The following FHIT variants were observed in gnomAD, a reference collection of about 807,000 sequenced individuals.
FHIT encodes fragile histidine triad diadenosine triphosphatase.
In FHIT, 19 loss-of-function variants were observed where a neutral mutation model predicts 17.9. That is an observed-to-expected ratio of 1.06 (90% CI 0.74 to 1.56). FHIT has a LOEUF of 1.56. Among genes scored for constraint, FHIT ranks in the 40% most tolerant of loss-of-function variants. The probability of loss-of-function intolerance (pLI) is 0.00; values close to 1 mark genes in which losing one functional copy is unlikely to be tolerated. For synonymous variants in FHIT, 81 were observed against 69.7 expected (o/e 1.16, Z -0.81); for missense variants, 248 against 189.2 (o/e 1.31, Z -1.82).
intron 1 of FHIT, among the ~76,000 whole-genome samples, chr3:61,239,903 T>C (rs1004732388): frequency 2.6e-5 from 4 of 151,850 alleles, no homozygotes; most frequent in African/African-American, 9.7e-5. Context: ...AACATATATA[T>C]CACCTGGCAG....
At chr3:60,502,771 A>G (rs1477874134) in intron 5 of FHIT, among the ~76,000 whole-genome samples, 1 of 152,208 alleles carries the variant, frequency 6.6e-6, no homozygotes, top group East Asian at 1.9e-4. Context: ...AGCCATTAAA[A>G]TCACTTTAAA....
Position 61,215,252 on chromosome 3 carries a change from C to A in FHIT, c.-212-14587G>T, listed in dbSNP as rs549373682. The stretch of plus-strand genomic sequence containing the variant: ...GTTTGCAGATGACATGATTGTATAT[C>A]TAGAAAACCCCATCACCTCAGCCCA... On this transcript the variant is annotated intron_variant, in intron 1 of 9. Transcript: ENST00000492590. Among the ~76,000 whole-genome samples, 106 of 151,706 alleles carry A rather than the reference C, an allele frequency of 7.0e-4. 1 individual carries two copies. Among genetic ancestry groups the A allele is most frequent in the African/African-American group, 2.5e-3 (103 of 41,496 alleles).
At chr3:60,265,277 G>A (rs956291549) in intron 5 of FHIT, among the ~76,000 whole-genome samples, 3 of 151,942 alleles carry the variant, frequency 2.0e-5, no homozygotes, top group African/African-American at 7.2e-5. Flanking sequence ...TAGCAAGCAG[G>A]AAATGTATTT....
At chr3:60,915,933 C>A (rs1216698380) in intron 3 of FHIT, among the ~76,000 whole-genome samples, 1 of 152,022 alleles carries the variant, frequency 6.6e-6, no homozygotes, top group Non-Finnish European at 1.5e-5. Context: ...AATGTCTTCC[C>A]ACTCATGCTG....
chr3:60,198,921 G>A (rs1702769073), intron 5 of FHIT, among the ~76,000 whole-genome samples: 1 of 152,156 alleles, frequency 6.6e-6, no homozygotes, highest in Non-Finnish European at 1.5e-5. Flanking sequence ...TTTAAACTAA[G>A]TGGAGCACAG....
intron 5 of FHIT, among the ~76,000 whole-genome samples, chr3:60,464,010 T>G (rs950365048): frequency 1.3e-5 from 2 of 152,292 alleles, no homozygotes; most frequent in Admixed American, 1.3e-4. Context: ...AACATGTAAT[T>G]TGCCCTTTAT....
intron 7 of FHIT, among the ~76,000 whole-genome samples, chr3:59,960,397 T>C (rs1214349725): frequency 1.3e-5 from 2 of 152,206 alleles, no homozygotes; most frequent in African/African-American, 4.8e-5. Context: ...GGATAATCCC[T>C]AGATTTCTGA....
intron 5 of FHIT, among the ~76,000 whole-genome samples, chr3:60,190,306 T>C (rs1459692745): frequency 6.7e-6 from 1 of 149,028 alleles, no homozygotes; most frequent in Non-Finnish European, 1.5e-5. Context: ...TTCTCAGAAA[T>C]GACGCAGTGA....
At chr3:59,876,930 T>C (rs1485441310) in intron 8 of FHIT, among the ~76,000 whole-genome samples, 1 of 152,208 alleles carries the variant, frequency 6.6e-6, no homozygotes, top group African/African-American at 2.4e-5. Flanking sequence ...CATGCTCAGC[T>C]AGCTGAGGAG....
At chr3:60,248,201 C>T (rs1444709742) in intron 5 of FHIT, among the ~76,000 whole-genome samples, 1 of 152,116 alleles carries the variant, frequency 6.6e-6, no homozygotes, top group East Asian at 1.9e-4. Flanking sequence ...AAATCCACTC[C>T]CTAGGTTTAT....
chr3:60,811,502 G>C (rs1701570302), intron 4 of FHIT, among the ~76,000 whole-genome samples: 1 of 152,194 alleles, frequency 6.6e-6, no homozygotes, highest in Admixed American at 6.5e-5. Flanking sequence ...AACTCTGTTA[G>C]CAGTAGCGGT....
At chr3:59,932,202 A>G (rs1038516) in intron 7 of FHIT, among the ~76,000 whole-genome samples, 31,234 of 152,134 alleles carry the variant, frequency 0.21, 3,459 homozygotes, top group African/African-American at 0.28. Context: ...GTAGCTCATC[A>G]TCATCCCAAA....
chr3:60,063,389 ATTTC>A (rs956662700), intron 5 of FHIT, among the ~76,000 whole-genome samples: 4 of 152,170 alleles, frequency 2.6e-5, no homozygotes, highest in African/African-American at 9.7e-5. Context: ...GCATATGGAG[ATTTC>A]TTTAACTAGA....
chr3:60,171,951 C>A (rs1314370492), intron 5 of FHIT, among the ~76,000 whole-genome samples: 1 of 152,130 alleles, frequency 6.6e-6, no homozygotes, highest in African/African-American at 2.4e-5. Context: ...CTCTTGACCC[C>A]TCAGATCATT....
intron 4 of FHIT, among the ~76,000 whole-genome samples, chr3:60,619,623 A>T (rs2039060322): frequency 9.8e-6 from 1 of 101,886 alleles, no homozygotes; most frequent in Admixed American, 1.0e-4. Context: ...AAAAAAAAAA[A>T]AAAAGAATCT....
chr3:60,063,813 C>CA (rs1702390393), intron 5 of FHIT, among the ~76,000 whole-genome samples: 1 of 151,760 alleles, frequency 6.6e-6, no homozygotes, highest in Admixed American at 6.6e-5. Context: ...TAAAAACAAA[C>CA]AAAAAAATGG....
chr3:61,040,672 G>C (rs1008821262), intron 3 of FHIT, among the ~76,000 whole-genome samples: 1 of 152,204 alleles, frequency 6.6e-6, no homozygotes, highest in African/African-American at 2.4e-5. Flanking sequence ...GGGTAGTGGA[G>C]ATGTGTGTGG....
intron 2 of FHIT, among the ~76,000 whole-genome samples, chr3:61,117,777 G>T (rs1030044429): frequency 6.6e-6 from 1 of 152,032 alleles, no homozygotes; most frequent in Non-Finnish European, 1.5e-5. Context: ...CTTTAAAAAG[G>T]CTCTAATTAT....
chr3:61,051,249 C>CTGTTTGTT (rs57097773), intron 2 of FHIT, among the ~76,000 whole-genome samples: 1,987 of 150,908 alleles, frequency 0.013, 13 homozygotes, highest in Middle Eastern at 0.031. Context: ...ACCACTATCT[C>CTGTTTGTT]TGTTTGTTTG....
Sources: allele counts gnomAD v4.1 joint callset (sites outside exome capture counted in the v4.1 genomes callset), GRCh38; gene constraint gnomAD v4.1.1; transcripts MANE v1.5; gene names NCBI Gene and HGNC (gene_info 2026-07-23, HGNC 2026-07-21).